Variants in KDM4B observed in about 807,000 individuals in gnomAD.
The protein encoded by KDM4B is lysine-specific demethylase 4B.
A neutral mutation model predicts 125.2 loss-of-function variants in KDM4B; 32 were observed. The observed-to-expected ratio is 0.26, with a 90% CI of 0.19 to 0.34. The LOEUF (loss-of-function observed/expected upper bound fraction) is 0.34, where lower values mean the gene tolerates loss of function less well. KDM4B is among the 10% of genes least tolerant of loss of function. KDM4B has a pLI of 1.00. For missense variants in KDM4B, 1,190 were observed against 1,577.7 expected (o/e 0.75, Z 4.16); for synonymous variants, 721 against 677.9 (o/e 1.06, Z -0.99).
At chr19:5,049,717 C>T (rs777028383) in intron 6 of KDM4B, among the ~76,000 whole-genome samples, 4 of 152,122 alleles carry the variant, frequency 2.6e-5, no homozygotes, top group Non-Finnish European at 5.9e-5. Context: ...CAGGTGACCC[C>T]AGCATTAGCC....
At chr19:5,091,889 G>T (rs2038715315) in intron 9 of KDM4B, among the ~76,000 whole-genome samples, 1 of 152,192 alleles carries the variant, frequency 6.6e-6, no homozygotes, top group African/African-American at 2.4e-5. Flanking sequence ...ATGGCGTTGT[G>T]GGGCTGGACG....
At chr19:4,998,374 C>G (rs1002822736) in intron 1 of KDM4B, among the ~76,000 whole-genome samples, 4 of 152,170 alleles carry the variant, frequency 2.6e-5, no homozygotes, top group African/African-American at 9.7e-5. Context: ...GACATAATTT[C>G]AGACTGACCC....
chr19:5,057,496 C>T (rs1021977207), intron 6 of KDM4B, among the ~76,000 whole-genome samples: 3 of 152,232 alleles, frequency 2.0e-5, no homozygotes, highest in Non-Finnish European at 2.9e-5. Flanking sequence ...CCTATCATCT[C>T]TTCACCTGCT....
At chr19:4,994,020 G>GTTTTTTTTTTTTTTTTTTTTTTTTTTTTT (rs55641886) in intron 1 of KDM4B, among the ~76,000 whole-genome samples, 24 of 66,708 alleles carry the variant, frequency 3.6e-4, no homozygotes, top group Non-Finnish European at 4.3e-4. Flanking sequence ...TTTTCAGCCT[G>GTTTTTTTTTTTTTTTTTTTTTTTTTTTTT]TTTTTTTTTT....
At chr19:5,094,248 C>G (rs1346977938) in intron 9 of KDM4B, among the ~76,000 whole-genome samples, 1 of 152,254 alleles carries the variant, frequency 6.6e-6, no homozygotes, top group Non-Finnish European at 1.5e-5. Flanking sequence ...CTGCTACCAC[C>G]CTGCTTCAGA....
chr19:5,015,102 T>C lies in KDM4B; in HGVS notation c.-108-1155T>C, dbSNP rs916242164. Among the ~76,000 whole-genome samples, 11 of 150,994 alleles carry C rather than the reference T, an allele frequency of 7.3e-5. No homozygotes were observed. The South Asian group carries it at 2.1e-3, about 29-fold the overall frequency. On this transcript the variant is annotated intron_variant, in intron 1 of 22. Transcript: ENST00000159111. ...CCTTAGAGTGCTTCTGAAGTGAGAG[T>C]TGGCATTAGCTGAGCAGAAGGAAGC...
At chr19:5,069,597 C>T (rs1164391884) in intron 6 of KDM4B, among the ~76,000 whole-genome samples, 1 of 150,838 alleles carries the variant, frequency 6.6e-6, no homozygotes, top group Non-Finnish European at 1.5e-5. Context: ...TGAGCCACTG[C>T]ACCCGGCCTG....
At chr19:5,133,571 C>T (rs1390273208) in intron 13 of KDM4B, among the ~76,000 whole-genome samples, 3 of 152,194 alleles carry the variant, frequency 2.0e-5, no homozygotes, top group Non-Finnish European at 4.4e-5. Flanking sequence ...CTCTGGATGT[C>T]CAGGGAGAAC....
rs907061447 is a variant in KDM4B at position 4,971,871 on chromosome 19, G to T, written c.-109+2641G>T. On this transcript the variant is annotated intron_variant, in intron 1 of 22. Transcript: ENST00000159111. The surrounding 1 kb of genome is among the most constrained non-coding windows in gnomAD (Gnocchi z 4.1). ...ACCCAGTCACTTGCTCAGTGACAAAGCAGATCGGGGGCACTAAATCTTTCG... is the reference window on the plus strand; with the variant it reads ...ACCCAGTCACTTGCTCAGTGACAAATCAGATCGGGGGCACTAAATCTTTCG... Among the ~76,000 whole-genome samples, 2 of 151,194 alleles carry T rather than the reference G, an allele frequency of 1.3e-5. No individual in the cohort carries two copies. Among genetic ancestry groups the T allele is most frequent in the African/African-American group, 4.9e-5 (2 of 41,214 alleles).
intron 9 of KDM4B, among the ~76,000 whole-genome samples, chr19:5,090,006 C>CA (rs1227124705): frequency 6.6e-6 from 1 of 152,074 alleles, no homozygotes; most frequent in Non-Finnish European, 1.5e-5. Flanking sequence ...CCATTCTCCA[C>CA]AAAAAGGGGG....
At chr19:5,089,586 C>G (rs995203817) in intron 9 of KDM4B, among the ~76,000 whole-genome samples, 1 of 151,872 alleles carries the variant, frequency 6.6e-6, no homozygotes, top group Non-Finnish European at 1.5e-5. Flanking sequence ...GGTTCTTGAA[C>G]TGGGAAAGGG....
chr19:5,096,973 G>T (rs1171514543), intron 9 of KDM4B, among the ~76,000 whole-genome samples: 1 of 152,190 alleles, frequency 6.6e-6, no homozygotes, highest in Non-Finnish European at 1.5e-5. Flanking sequence ...GCCACACAGG[G>T]TGGCTTCCAC....
intron 2 of KDM4B, among the ~76,000 whole-genome samples, chr19:5,029,560 C>T (rs1190362832): frequency 6.6e-6 from 1 of 152,214 alleles, no homozygotes; most frequent in Non-Finnish European, 1.5e-5. Context: ...GGCATGATGG[C>T]TCATCCCTGT....
chr19:5,144,168 C>T lies in KDM4B; in HGVS notation c.2736+16C>T, dbSNP rs758223215. 9 of 1,593,174 alleles carry T rather than the reference C, an allele frequency of 5.6e-6. No homozygotes were observed. The highest frequency in any genetic ancestry group is 1.7e-4 in the Middle Eastern group (1 of 5,996). On this transcript the variant is annotated intron_variant, in intron 19 of 22. Coordinates refer to ENST00000159111, the MANE Select transcript of KDM4B (RefSeq NM_015015.3). ...GGGTCACGCTGTGAGTGCCTGCCCGCCTCCTTGCCCCCAGCCCCTGGCTCC... is the reference window on the plus strand; with the variant it reads ...GGGTCACGCTGTGAGTGCCTGCCCGTCTCCTTGCCCCCAGCCCCTGGCTCC...
rs769976056 is a variant in KDM4B at position 5,032,955 on chromosome 19, T to C, written c.65T>C (p.Met22Thr). The C allele has an allele frequency of 5.0e-6, 8 of 1,613,956 alleles. No homozygotes were observed. Among genetic ancestry groups the C allele is most frequent in the Non-Finnish European group, 6.8e-6 (8 of 1,180,000 alleles). ...SCKIMTFRPTMEEFKDFNKYV... is the reference protein window; with the variant it reads ...SCKIMTFRPTTEEFKDFNKYV... Reference sequence around the variant, plus strand: ...AAAATCATGACGTTTCGCCCAACCATGGAAGAATTTAAAGACTTCAACAAA... The same window carrying C: ...AAAATCATGACGTTTCGCCCAACCACGGAAGAATTTAAAGACTTCAACAAA... Residue 22 changes from methionine to threonine, a missense_variant, in exon 3 of 23, where the codon ATG becomes ACG. By Grantham distance (81) the Met-to-Thr change is moderately conservative. This residue lies in a region of KDM4B where 139 missense variants were observed against 248.3 expected (regional missense o/e 0.56). Coordinates refer to ENST00000159111, the MANE Select transcript of KDM4B (RefSeq NM_015015.3).
chr19:5,108,487 G>C (rs573330108), intron 9 of KDM4B, among the ~76,000 whole-genome samples: 4 of 152,186 alleles, frequency 2.6e-5, no homozygotes, highest in East Asian at 3.9e-4. Context: ...GGGTAAGGTG[G>C]GGGGAGGCAC....
chr19:4,974,074 C>T (rs1452662829), intron 1 of KDM4B, among the ~76,000 whole-genome samples: 1 of 151,840 alleles, frequency 6.6e-6, no homozygotes, highest in Non-Finnish European at 1.5e-5. Flanking sequence ...GCACTCCAGC[C>T]TGGGTGACAG....
rs565610550 is a variant in KDM4B at position 5,125,404 on chromosome 19, G to A, written c.1315+5552G>A. Among the ~76,000 whole-genome samples the A allele has an allele frequency of 1.2e-4, 18 of 152,238 alleles. No homozygotes were observed. In the South Asian group the frequency reaches 1.2e-3, roughly 11 times the overall value. On this transcript the variant is annotated intron_variant, in intron 11 of 22. Transcript: ENST00000159111. ...CATGCGTGGTCCTGGCTGGATGGGC[G>A]GCTTTCCTCCCCTGACAGTGGCAGT...
At chr19:5,128,381 G>T (rs1056188013) in intron 11 of KDM4B, among the ~76,000 whole-genome samples, 1 of 152,160 alleles carries the variant, frequency 6.6e-6, no homozygotes, top group Non-Finnish European at 1.5e-5. Flanking sequence ...CAGATCCCAC[G>T]CCAGCCCCTG....
Sources: allele counts gnomAD v4.1 joint callset (sites outside exome capture counted in the v4.1 genomes callset), GRCh38; gene constraint gnomAD v4.1.1; regional missense constraint gnomAD v4.1.1; non-coding constraint Gnocchi (gnomAD v3.1); transcripts MANE v1.5; gene names NCBI Gene and HGNC (gene_info 2026-07-23, HGNC 2026-07-21).